The following CCDC171 variants were observed in gnomAD, a reference collection of about 807,000 sequenced individuals.
CCDC171 encodes the protein coiled-coil domain containing 171, also known as coiled-coil domain-containing protein 171.
Under a neutral mutation model 168.2 loss-of-function variants are expected in CCDC171, and 177 were observed. The observed-to-expected ratio is 1.05, with a 90% CI of 0.93 to 1.19. CCDC171 has a LOEUF of 1.19. CCDC171 is among the 50% of genes most tolerant of loss of function. The pLI is 0.00. For missense variants in CCDC171, 1,991 were observed against 1,539.0 expected (o/e 1.29, Z -4.91); for synonymous variants, 687 against 540.8 (o/e 1.27, Z -3.75).
chr9:15,895,036 T>C (rs528303628), intron 24 of CCDC171, among the ~76,000 whole-genome samples: 3 of 152,174 alleles, frequency 2.0e-5, no homozygotes, highest in African/African-American at 4.8e-5. Context: ...GCATGCAAAT[T>C]AAGGAAAAAA....
chr9:16,091,819 A>G, the CCDC171 span, among the ~76,000 whole-genome samples: 2,482 of 152,346 alleles, frequency 0.016, 42 homozygotes, highest in Non-Finnish European at 0.026. Flanking sequence ...ATAGGTTTCA[A>G]TGACAGAATG....
chr9:16,091,996 A>G, the CCDC171 span, among the ~76,000 whole-genome samples: 5 of 152,196 alleles, frequency 3.3e-5, no homozygotes, highest in South Asian at 2.1e-4. Context: ...CCCAATTCCA[A>G]TCAGTTCTTG....
At chr9:16,004,772 T>G (rs1467107423) in intron 3 of CCDC171, among the ~76,000 whole-genome samples, 5 of 152,162 alleles carry the variant, frequency 3.3e-5, no homozygotes, top group Admixed American at 3.3e-4. Context: ...TACTAGAGAA[T>G]TGGTATTTCT....
At chr9:15,582,701 A>G (rs1480309374) in intron 4 of CCDC171, among the ~76,000 whole-genome samples, 2 of 151,646 alleles carry the variant, frequency 1.3e-5, no homozygotes, top group African/African-American at 2.4e-5. Context: ...CAAACAGCGC[A>G]TGTTCTCACT....
At chr9:15,598,794 G>T (rs1286132380) in intron 6 of CCDC171, among the ~76,000 whole-genome samples, 2 of 152,122 alleles carry the variant, frequency 1.3e-5, no homozygotes, top group Non-Finnish European at 2.9e-5. Context: ...AAGTCCTTTT[G>T]TAGGTCTCTA....
chr9:15,926,881 G>A (rs913701503), intron 25 of CCDC171, among the ~76,000 whole-genome samples: 31 of 151,620 alleles, frequency 2.0e-4, no homozygotes, highest in African/African-American at 7.5e-4. Context: ...GTAGGCAAAA[G>A]AACTAAAACA....
In CCDC171 at chr9:15,783,097, A is replaced by T. The variant is rs962250327; in HGVS notation, c.3082-1412A>T. 4.6e-5 allele frequency among the ~76,000 whole-genome samples: 7 copies of T among 152,198 alleles called. No individual in the cohort carries two copies. The East Asian group carries it at 7.7e-4, about 17-fold the overall frequency. ...ACCCTTAAAAAGAGAAATGAGTTTT[A>T]AAAGACAGTTGCTTCATAGAAGTGG... On this transcript the variant is annotated intron_variant, in intron 20 of 25. Coordinates refer to ENST00000380701, the MANE Select transcript of CCDC171 (RefSeq NM_173550.4).
At chr9:15,901,599 A>C (rs985090489) in intron 24 of CCDC171, among the ~76,000 whole-genome samples, 3 of 152,230 alleles carry the variant, frequency 2.0e-5, no homozygotes, top group African/African-American at 7.2e-5. Context: ...GTTGACTATA[A>C]ATACATGCCA....
intron 1 of CCDC171, among the ~76,000 whole-genome samples, chr9:16,048,535 C>T (rs570084167): frequency 6.6e-6 from 1 of 152,278 alleles, no homozygotes; most frequent in East Asian, 1.9e-4. Flanking sequence ...TCCTGTGCCC[C>T]TTATCTTTTA....
chr9:15,971,500 C>G, intron 25 of CCDC171, 109 bp from the exon 26 acceptor site: 2 of 653,458 alleles, frequency 3.1e-6, no homozygotes, highest in South Asian at 4.1e-5. Flanking sequence ...GTTTCCATCT[C>G]ATTTTTATAT....
chr9:15,713,361 T>C (rs895173435), intron 11 of CCDC171, among the ~76,000 whole-genome samples: 1 of 151,794 alleles, frequency 6.6e-6, no homozygotes, highest in Non-Finnish European at 1.5e-5. Context: ...GAACTCTCCA[T>C]GCATCCAAGG....
intron 25 of CCDC171, among the ~76,000 whole-genome samples, chr9:15,924,445 A>G (rs527720918): frequency 6.6e-6 from 1 of 151,306 alleles, no homozygotes. Flanking sequence ...TTAGTCAAAA[A>G]AAAAAAAAAG....
At chr9:15,929,445 C>T (rs1826250990) in intron 25 of CCDC171, among the ~76,000 whole-genome samples, 1 of 151,696 alleles carries the variant, frequency 6.6e-6, no homozygotes, top group Non-Finnish European at 1.5e-5. Context: ...TTTTTCAACA[C>T]TTCTGTGCCC....
At chr9:15,881,291 G>A (rs547850340) in intron 24 of CCDC171, among the ~76,000 whole-genome samples, 1 of 152,046 alleles carries the variant, frequency 6.6e-6, no homozygotes, top group East Asian at 1.9e-4. Flanking sequence ...AAATACTAAG[G>A]TGCGTAGAAG....
rs552430827 is a variant in CCDC171 at position 15,623,409 on chromosome 9, T to C, written c.818T>C (p.Phe273Ser). Residue 273 changes from phenylalanine to serine, a missense_variant, in exon 7 of 26, where the codon TTT (phenylalanine) becomes TCT (serine). Phe to Ser is a radical substitution (Grantham distance 155). Coordinates refer to ENST00000380701, the MANE Select transcript of CCDC171 (RefSeq NM_173550.4). Reference sequence around the variant, plus strand: ...CGAGAGGAACGCCTTAGAAAAGAATTTGAGGTACATTTTCTCATTCCTTTA... The same window carrying C: ...CGAGAGGAACGCCTTAGAAAAGAATCTGAGGTACATTTTCTCATTCCTTTA... ...TQREERLRKE[F>S]EATTLRVRKL... 2 of 1,604,846 alleles carry C rather than the reference T, an allele frequency of 1.2e-6. No individual in the cohort carries two copies. The highest frequency in any genetic ancestry group is 2.3e-5 in the East Asian group (1 of 44,414).
chr9:15,744,787 T>C lies in CCDC171; in HGVS notation c.2554+10T>C, dbSNP rs1486626911. On this transcript the variant is annotated intron_variant, in intron 17 of 25. Transcript: ENST00000380701. ...AAGCATAAATTTCCAAGTAAGATAA[T>C]TTCTGCTTTTAAAAATATAAGTTGC... 6.2e-7 allele frequency: 1 copy of C among 1,601,502 alleles called. No homozygotes were observed. Among genetic ancestry groups the C allele is most frequent in the Non-Finnish European group, 8.5e-7 (1 of 1,174,234 alleles).
At chr9:15,804,343 A>C (rs528895013) in intron 21 of CCDC171, among the ~76,000 whole-genome samples, 3 of 152,124 alleles carry the variant, frequency 2.0e-5, no homozygotes, top group Non-Finnish European at 4.4e-5. Flanking sequence ...GCTTTTGCTC[A>C]TACTGTATGA....
intron 18 of CCDC171, among the ~76,000 whole-genome samples, chr9:15,760,729 C>T (rs1317725511): frequency 5.9e-5 from 9 of 152,112 alleles, no homozygotes; most frequent in Admixed American, 1.3e-4. Context: ...GAATTCAATG[C>T]GTAGAAAGTG....
chr9:15,963,184 G>A (rs1373837849), intron 25 of CCDC171, among the ~76,000 whole-genome samples: 1 of 151,984 alleles, frequency 6.6e-6, no homozygotes, highest in African/African-American at 2.4e-5. Context: ...CCTGTTGTGG[G>A]GTGCGGGGAG....
Sources: gnomAD v4.1 joint callset for allele counts (sites outside exome capture counted in the v4.1 genomes callset) on GRCh38, gnomAD v4.1.1 for gene constraint, MANE v1.5 for transcripts, NCBI Gene and HGNC (gene_info 2026-07-23, HGNC 2026-07-21) for gene names.